QRICH1: variants seen among roughly 807,000 people sequenced by gnomAD.
QRICH1 encodes glutamine rich 1, also known as transcriptional regulator QRICH1.
A neutral mutation model predicts 87.1 loss-of-function variants in QRICH1; 16 were observed. That is an observed-to-expected ratio of 0.18 (90% confidence interval 0.12 to 0.28). QRICH1 has a LOEUF of 0.28. QRICH1 is among the 10% of genes least tolerant of loss of function. The pLI is 1.00. For synonymous variants in QRICH1, 367 were observed against 368.4 expected (o/e 1.00, Z 0.05); for missense variants, 647 against 951.7 (o/e 0.68, Z 4.21).
At chr3:49,079,650 T>G (rs1043207026) in intron 1 of QRICH1, among the ~76,000 whole-genome samples, 4 of 152,022 alleles carry the variant, frequency 2.6e-5, no homozygotes, top group African/African-American at 9.7e-5. Flanking sequence ...TTGGCTTAGG[T>G]GATCCGAGAG....
rs974161001 is a variant in QRICH1 at position 49,030,267 on chromosome 3, G to A, written c.*185C>T. ...GCCACCATCGGCTGAGGAGTCTGCC[G>A]CAGCAGGTTTATGAAGATGCAAAGG... On this transcript the variant is annotated 3_prime_UTR_variant, in exon 10 of 10. Coordinates refer to ENST00000395443, the MANE Select transcript of QRICH1 (RefSeq NM_198880.3). The A allele has an allele frequency of 1.1e-4, 66 of 591,456 alleles. No individual in the cohort carries two copies. The highest frequency in any genetic ancestry group is 1.8e-4 in the Non-Finnish European group (62 of 345,612). 36.6% of individuals were successfully genotyped at this position (591,456 alleles called of 1,614,324 possible).
At position 49,032,777 on chromosome 3, in the gene QRICH1, G is replaced by A; in HGVS notation, c.1896-4C>T. ...CACTGTCTTCAATAGGAAGTACCTGGATCACAAGTAAAATGCAAGGCAGAG... is the reference window on the plus strand; with the variant it reads ...CACTGTCTTCAATAGGAAGTACCTGAATCACAAGTAAAATGCAAGGCAGAG... On this transcript the variant is annotated splice_polypyrimidine_tract_variant and splice_region_variant and intron_variant, in intron 7 of 9. Coordinates refer to ENST00000395443, the MANE Select transcript of QRICH1 (RefSeq NM_198880.3). 6.2e-7 allele frequency: 1 copy of A among 1,602,482 alleles called. No individual in the cohort carries two copies.
At chr3:49,036,541 T>A (rs927629709) in intron 6 of QRICH1, among the ~76,000 whole-genome samples, 1 of 152,334 alleles carries the variant, frequency 6.6e-6, no homozygotes, top group Non-Finnish European at 1.5e-5. Flanking sequence ...TCAGTAAAGA[T>A]GACTGCAAAC....
chr3:49,045,071 A>G (rs1245032592), intron 5 of QRICH1, among the ~76,000 whole-genome samples: 1 of 152,156 alleles, frequency 6.6e-6, no homozygotes, highest in Admixed American at 6.5e-5. Context: ...AAGAGCCTTC[A>G]AACACTAAGA....
At chr3:49,041,893 T>C (rs2093312384) in intron 6 of QRICH1, among the ~76,000 whole-genome samples, 1 of 151,066 alleles carries the variant, frequency 6.6e-6, no homozygotes, top group Non-Finnish European at 1.5e-5. Context: ...CTCCCAAAGC[T>C]CTGGGATTAT....
intron 9 of QRICH1, 26 bp downstream of exon 9, chr3:49,032,157 G>T: frequency 6.4e-7 from 1 of 1,553,624 alleles, no homozygotes; most frequent in Non-Finnish European, 8.9e-7. Flanking sequence ...CGCACACATG[G>T]ACAGCAAGTC....
At position 49,057,568 on chromosome 3, in the gene QRICH1, A is replaced by T; in HGVS notation, c.632T>A (p.Ile211Asn). Residue 211 changes from isoleucine (I) to asparagine (N), a missense_variant, in exon 3 of 10, where the codon ATC (isoleucine) becomes AAC (asparagine). Ile to Asn is a moderately radical substitution (Grantham distance 149, BLOSUM62 -3). This residue lies in a region of QRICH1 where 156 missense variants were observed against 164.5 expected (regional missense o/e 0.95). Coordinates refer to ENST00000395443, the MANE Select transcript of QRICH1 (RefSeq NM_198880.3). The surrounding 1 kb of genome is among the most constrained non-coding windows in gnomAD (Gnocchi z 5.4). ...AGQSLAGGQQ[I>N]QIQTVGALSP... ...AAGGGCACCCACGGTCTGGATTTGG[A>T]TCTGCTGACCACCAGCAAGAGACTG... The T allele has an allele frequency of 6.2e-7, 1 of 1,613,480 alleles. No homozygotes were observed. Among genetic ancestry groups the T allele is most frequent in the South Asian group, 1.1e-5 (1 of 91,012 alleles).
chr3:49,073,283 G>A (rs2106965603), intron 2 of QRICH1, among the ~76,000 whole-genome samples: 1 of 152,270 alleles, frequency 6.6e-6, no homozygotes, highest in African/African-American at 2.4e-5. Flanking sequence ...AGGCACGGTG[G>A]ATCACACCTG....
intron 6 of QRICH1, among the ~76,000 whole-genome samples, chr3:49,037,170 G>T (rs923798195): frequency 2.9e-5 from 4 of 138,748 alleles, no homozygotes; most frequent in African/African-American, 1.1e-4. Flanking sequence ...AACCCATAAA[G>T]AATCAATGGA....
chr3:49,032,245 C>A lies in QRICH1; in HGVS notation c.2076G>T (p.Thr692=). The A allele has an allele frequency of 6.2e-7, 1 of 1,613,792 alleles. No homozygotes were observed. Among genetic ancestry groups the A allele is most frequent in the Non-Finnish European group, 8.5e-7 (1 of 1,179,696 alleles). ...KVTDDMYAEQ[T]ENPENPLRCP... is the part of the protein sequence containing the mutation. The stretch of plus-strand genomic sequence containing the variant: ...ATCTCAATGGATTCTCTGGATTTTC[C>A]GTCTGTTCTGCATACATGTCATCTG... Residue 692 remains threonine (T), a synonymous_variant, in exon 9 of 10, where the codon ACG becomes ACT. Coordinates refer to ENST00000395443, the MANE Select transcript of QRICH1 (RefSeq NM_198880.3).
intron 6 of QRICH1, 68 bp from the exon 7 acceptor site, chr3:49,033,296 T>A (rs2093253684): frequency 1.0e-6 from 1 of 979,152 alleles, no homozygotes; most frequent in South Asian, 2.3e-5. Flanking sequence ...CAATATGGGA[T>A]GTGTGAAGCA....
chr3:49,038,534 C>T (rs2093289660), intron 6 of QRICH1, among the ~76,000 whole-genome samples: 1 of 152,000 alleles, frequency 6.6e-6, no homozygotes. Flanking sequence ...CCTGCCTCAG[C>T]CTCCCGAGTA....
At position 49,076,689 on chromosome 3, in the gene QRICH1, C is replaced by T; in HGVS notation, c.309+20G>A. 1 of 1,517,124 alleles carries T rather than the reference C, an allele frequency of 6.6e-7. No individual in the cohort carries two copies. The allele number at this position is 1,517,124 out of a possible 1,614,324, so 94.0% of individuals were successfully genotyped here. ...AATAAAGTACATTAAACAGGCTGCA[C>T]CTCAGCATTTCCCATATACCTGAAC... is the stretch of plus-strand genomic sequence containing the variant. On this transcript the variant is annotated intron_variant, in intron 2 of 9. Transcript: ENST00000395443.
chr3:49,079,399 T>C (rs1275504348), intron 1 of QRICH1, among the ~76,000 whole-genome samples: 1 of 148,318 alleles, frequency 6.7e-6, no homozygotes, highest in Non-Finnish European at 1.5e-5. Flanking sequence ...AAGAAATAAA[T>C]AAATAAAATA....
chr3:49,067,880 G>A (rs929399963), intron 2 of QRICH1, among the ~76,000 whole-genome samples: 1 of 151,954 alleles, frequency 6.6e-6, no homozygotes, highest in African/African-American at 2.4e-5. Context: ...GAACCCAGGA[G>A]GCAGAGGTTG....
chr3:49,068,089 G>A (rs2093478482), intron 2 of QRICH1, among the ~76,000 whole-genome samples: 1 of 152,126 alleles, frequency 6.6e-6, no homozygotes, highest in Non-Finnish European at 1.5e-5. Flanking sequence ...GCTAAGTGCT[G>A]TGCTCATGCC....
intron 1 of QRICH1, among the ~76,000 whole-genome samples, chr3:49,079,036 C>A (rs1303425530): frequency 6.6e-6 from 1 of 151,878 alleles, no homozygotes; most frequent in African/African-American, 2.4e-5. Context: ...CCTTCCACCT[C>A]AGCCCAGGCA....
At chr3:49,093,032 G>A (rs2042307558) in intron 1 of QRICH1, among the ~76,000 whole-genome samples, 1 of 152,168 alleles carries the variant, frequency 6.6e-6, no homozygotes, top group African/African-American at 2.4e-5. Flanking sequence ...ATTCCCTTCC[G>A]GAGCGCACAG....
Position 49,030,361 on chromosome 3 carries a change from A to C in QRICH1, c.*91T>G. 2 of 1,326,356 alleles carry C rather than the reference A, an allele frequency of 1.5e-6. No homozygotes were observed. Among genetic ancestry groups the C allele is most frequent in the East Asian group, 4.8e-5 (2 of 41,396 alleles). The allele number at this position is 1,326,356 out of a possible 1,614,324, so 82.2% of individuals were successfully genotyped here. On this transcript the variant is annotated 3_prime_UTR_variant, in exon 10 of 10. Transcript: ENST00000395443. ...GGCTTCGTAACTACACCAATAAAAA[A>C]AAGAAAAAAAAAAATGGAGGCCTCT...
Sources: allele counts gnomAD v4.1 joint callset (sites outside exome capture counted in the v4.1 genomes callset), GRCh38; gene constraint gnomAD v4.1.1; regional missense constraint gnomAD v4.1.1; non-coding constraint Gnocchi (gnomAD v3.1); transcripts MANE v1.5; gene names NCBI Gene and HGNC (gene_info 2026-07-23, HGNC 2026-07-21).